Variants in OXR1 observed in about 807,000 individuals in gnomAD.
OXR1 encodes the protein oxidation resistance 1.
A neutral mutation model predicts 104.6 loss-of-function variants in OXR1; 41 were observed. The ratio of observed to expected loss-of-function variants is 0.39; its 90% CI spans 0.31 to 0.51. The LOEUF is 0.51. Among genes scored for constraint, OXR1 ranks in the 20% least tolerant of loss-of-function variants. The pLI is 0.77. For missense variants in OXR1, 955 were observed against 1,031.9 expected (o/e 0.93, Z 1.02); for synonymous variants, 348 against 348.4 (o/e 1.00, Z 0.01).
At chr8:106,651,975 T>C (rs1824617789) in intron 3 of OXR1, among the ~76,000 whole-genome samples, 1 of 152,188 alleles carries the variant, frequency 6.6e-6, no homozygotes, top group Non-Finnish European at 1.5e-5. Flanking sequence ...TTGCTCCTCC[T>C]TGGATAGATT....
At chr8:106,528,376 C>G (rs1257855044) in intron 3 of OXR1, among the ~76,000 whole-genome samples, 1 of 152,188 alleles carries the variant, frequency 6.6e-6, no homozygotes, top group Non-Finnish European at 1.5e-5. Flanking sequence ...ATGATCCTGT[C>G]TTTTGCCCTG....
intron 2 of OXR1, among the ~76,000 whole-genome samples, chr8:106,462,698 A>C (rs1379497883): frequency 1.3e-5 from 2 of 152,168 alleles, no homozygotes; most frequent in African/African-American, 4.8e-5. Context: ...CATTTGCCAG[A>C]AAGCACTGCA....
intron 3 of OXR1, among the ~76,000 whole-genome samples, chr8:106,619,131 G>GT (rs1821482126): frequency 6.6e-6 from 1 of 152,216 alleles, no homozygotes; most frequent in East Asian, 1.9e-4. Flanking sequence ...TACTAGGTTA[G>GT]TTTTTCCTCA....
chr8:106,422,344 A>C (rs1818939320), intron 2 of OXR1, among the ~76,000 whole-genome samples: 1 of 152,200 alleles, frequency 6.6e-6, no homozygotes, highest in South Asian at 2.1e-4. Flanking sequence ...TGTGATCCCA[A>C]TGGGAAATAA....
rs575763400 is a variant in OXR1, at chr8:106,466,678, A to G, written c.24-52265A>G. On this transcript the variant is annotated intron_variant, in intron 2 of 16. Transcript: ENST00000517566. Reference sequence around the variant, plus strand: ...AATGATGAAAGGCTCAAGGCCTGCCACTAAGAAAATCTACAGTTTGCATCA... The same window carrying G: ...AATGATGAAAGGCTCAAGGCCTGCCGCTAAGAAAATCTACAGTTTGCATCA... 2.0e-5 allele frequency among the ~76,000 whole-genome samples: 3 copies of G among 152,070 alleles called. No individual in the cohort carries two copies. The East Asian group carries it at 5.8e-4, about 30-fold the overall frequency.
At chr8:106,633,475 A>G (rs1055925643) in intron 3 of OXR1, among the ~76,000 whole-genome samples, 1 of 152,178 alleles carries the variant, frequency 6.6e-6, no homozygotes, top group Non-Finnish European at 1.5e-5. Context: ...TGTATCATTA[A>G]AGTAAGATAA....
chr8:106,519,105 C>T lies in OXR1; in HGVS notation c.186C>T (p.Ser62=), dbSNP rs1480782531. 3.2e-5 allele frequency: 50 copies of T among 1,551,874 alleles called. No homozygotes were observed. The highest frequency in any genetic ancestry group is 4.3e-5 in the Non-Finnish European group (49 of 1,146,924). Residue 62 remains serine, a synonymous_variant, in exon 3 of 17, where the codon TCC becomes TCT. Transcript: ENST00000517566. The part of the protein sequence containing the change: ...NNAANTQKHP[S]RRSELKRFYT... ...CAGCAAATACTCAGAAACATCCTTC[C>T]AGAAGGAGCGAACTGAAGAGGTTCT...
rs530169808 is a variant in OXR1 at position 106,471,978 on chromosome 8, A to C, written c.24-46965A>C. On this transcript the variant is annotated intron_variant, in intron 2 of 16. Coordinates refer to ENST00000517566, the MANE Select transcript of OXR1 (RefSeq NM_001198533.2). ...GTTATCGATGAAATACTGTTAATTA[A>C]TTTACCAACCCTAAGTAATTCCATT... Among the ~76,000 whole-genome samples the C allele has an allele frequency of 7.2e-5, 11 of 151,920 alleles. No individual in the cohort carries two copies. In the East Asian group the frequency reaches 1.9e-3, roughly 27 times the overall value.
Position 106,706,453 on chromosome 8 carries a change from T to C in OXR1, c.932T>C (p.Ile311Thr). 6.3e-7 allele frequency: 1 copy of C among 1,598,026 alleles called. No homozygotes were observed. Among genetic ancestry groups the C allele is most frequent in the Non-Finnish European group, 8.5e-7 (1 of 1,175,702 alleles). The stretch of plus-strand genomic sequence containing the variant: ...ATGACAGGAAGTAACACTGAGGAAA[T>C]AGACTCAAGAATCCGAGATGCAGGT... Reference protein sequence around the residue: ...KKMTGSNTEEIDSRIRDAGND... With the variant: ...KKMTGSNTEETDSRIRDAGND... The change falls in exon 9 of 17, where the codon ATA (isoleucine) becomes ACA (threonine). Residue 311 changes from isoleucine (I) to threonine (T), a missense_variant. By Grantham distance (89) the Ile-to-Thr change is moderately conservative. This residue lies in a region of OXR1 where 849 missense variants were observed against 852.9 expected (regional missense o/e 1.00). Transcript: ENST00000517566.
chr8:106,378,559 G>T (rs1817001764), intron 2 of OXR1, among the ~76,000 whole-genome samples: 1 of 152,128 alleles, frequency 6.6e-6, no homozygotes, highest in Admixed American at 6.5e-5. Flanking sequence ...GCCCAGGTTG[G>T]AGTGCGATGG....
At chr8:106,351,803 T>C (rs771800783) in intron 1 of OXR1, among the ~76,000 whole-genome samples, 1 of 152,220 alleles carries the variant, frequency 6.6e-6, no homozygotes, top group African/African-American at 2.4e-5. Flanking sequence ...TTGTATGAAC[T>C]CACTATGTGG....
At chr8:106,319,671 C>T (rs755973228) in intron 1 of OXR1, among the ~76,000 whole-genome samples, 1 of 152,168 alleles carries the variant, frequency 6.6e-6, no homozygotes, top group Admixed American at 6.5e-5. Context: ...CAGCTGCAGC[C>T]GTTTTCCCGT....
At chr8:106,714,702 C>T (rs778555742) in intron 11 of OXR1, among the ~76,000 whole-genome samples, 15 of 152,054 alleles carry the variant, frequency 9.9e-5, no homozygotes, top group Non-Finnish European at 1.6e-4. Context: ...AGATTAGTCT[C>T]TTCTTGATGC....
At chr8:106,312,709 C>T (rs868074447) in intron 1 of OXR1, among the ~76,000 whole-genome samples, 2 of 152,152 alleles carry the variant, frequency 1.3e-5, no homozygotes, top group Non-Finnish European at 2.9e-5. Context: ...ATGAAAATAA[C>T]AAATGTCAGT....
chr8:106,447,010 T>C, intron 2 of OXR1, among the ~76,000 whole-genome samples: 1 of 152,172 alleles, frequency 6.6e-6, no homozygotes, highest in East Asian at 1.9e-4. Context: ...TAATAAGCTT[T>C]TATCCCACCT....
chr8:106,484,036 A>G (rs189739733), intron 2 of OXR1, among the ~76,000 whole-genome samples: 2 of 152,218 alleles, frequency 1.3e-5, no homozygotes, highest in East Asian at 3.9e-4. Context: ...GAGGTACAAC[A>G]CTAATGACAT....
chr8:106,615,210 A>G (rs552688733), intron 3 of OXR1, among the ~76,000 whole-genome samples: 1 of 152,048 alleles, frequency 6.6e-6, no homozygotes, highest in Non-Finnish European at 1.5e-5. Flanking sequence ...CAGGTAGATC[A>G]CTTGAGGTCA....
intron 3 of OXR1, among the ~76,000 whole-genome samples, chr8:106,677,095 T>C (rs1006501371): frequency 6.6e-6 from 1 of 152,208 alleles, no homozygotes; most frequent in East Asian, 1.9e-4. Context: ...AAACTAACGG[T>C]TACTCCTAAA....
intron 3 of OXR1, among the ~76,000 whole-genome samples, chr8:106,648,424 T>C (rs1824265526): frequency 6.6e-6 from 1 of 152,196 alleles, no homozygotes; most frequent in Non-Finnish European, 1.5e-5. Flanking sequence ...GTTAATCTGG[T>C]TCTAATTATT....
Sources: allele counts gnomAD v4.1 joint callset (sites outside exome capture counted in the v4.1 genomes callset), GRCh38; gene constraint gnomAD v4.1.1; regional missense constraint gnomAD v4.1.1; transcripts MANE v1.5; gene names NCBI Gene and HGNC (gene_info 2026-07-23, HGNC 2026-07-21).